MACROD1: variants seen among roughly 807,000 people sequenced by gnomAD.
MACROD1 encodes mono-ADP ribosylhydrolase 1.
MACROD1 carries 31 observed loss-of-function variants against 41.4 expected under a neutral mutation model. That is an observed-to-expected ratio of 0.75 (90% CI 0.56 to 1.01). The LOEUF (loss-of-function observed/expected upper bound fraction) is 1.01. MACROD1 is among the 50% of genes least tolerant of loss of function. The pLI is 0.00. For missense variants in MACROD1, 473 were observed against 460.0 expected (o/e 1.03, Z -0.26); for synonymous variants, 252 against 203.4 (o/e 1.24, Z -2.03).
intron 3 of MACROD1, chr11:64,035,928 C>T (rs1390355192): frequency 2.0e-5 from 3 of 147,300 alleles, no homozygotes; most frequent in Non-Finnish European, 4.5e-5. Context: ...GGACGCACCC[C>T]CCGCACTCCT....
intron 3 of MACROD1, among the ~76,000 whole-genome samples, chr11:64,066,967 A>T (rs1214655467): frequency 6.6e-6 from 1 of 152,208 alleles, no homozygotes; most frequent in Non-Finnish European, 1.5e-5. Flanking sequence ...GGAGGGTCAC[A>T]CAGAGCCCAG....
chr11:64,160,627 C>A (rs1945739387), intron 1 of MACROD1, among the ~76,000 whole-genome samples: 1 of 151,726 alleles, frequency 6.6e-6, no homozygotes, highest in African/African-American at 2.4e-5. Flanking sequence ...CCTGGGGCAA[C>A]ATAATGAGAC....
intron 3 of MACROD1, among the ~76,000 whole-genome samples, chr11:64,143,478 G>A (rs765254494): frequency 1.5e-4 from 23 of 152,092 alleles, no homozygotes; most frequent in Non-Finnish European, 2.9e-4. Context: ...GGGGCATGCC[G>A]GGGACTTGAG....
At position 64,082,876 on chromosome 11, in the gene MACROD1, C is replaced by T. The variant is rs1944328523; in HGVS notation, c.518-67595G>A. 1 of 152,480 alleles carries T rather than the reference C, an allele frequency of 6.6e-6. No individual in the cohort carries two copies. The highest frequency in any genetic ancestry group is 2.4e-5 in the African/African-American group (1 of 41,446). 9.4% of individuals were successfully genotyped at this position (152,480 alleles called of 1,614,324 possible). ...CGAGGTAGGCAGGGCTGTGCCTGCT[C>T]CAGCCCAGGGCCCCCTGCCTCTCTG... On this transcript the variant is annotated intron_variant, in intron 3 of 10. Transcript: ENST00000255681. This position sits in a 1 kb window ranked among gnomAD's most constrained non-coding sequence, Gnocchi z 4.5.
At chr11:64,028,883 C>G (rs1294198935) in intron 3 of MACROD1, among the ~76,000 whole-genome samples, 4 of 152,180 alleles carry the variant, frequency 2.6e-5, no homozygotes, top group African/African-American at 4.8e-5. Context: ...GCTTAGGACA[C>G]TCTTTCTCCT....
At chr11:64,139,918 T>C (rs1052604535) in intron 3 of MACROD1, among the ~76,000 whole-genome samples, 2 of 149,614 alleles carry the variant, frequency 1.3e-5, no homozygotes, top group Admixed American at 6.7e-5. Flanking sequence ...ATCACGCCAC[T>C]GCACTCTAGC....
intron 3 of MACROD1, among the ~76,000 whole-genome samples, chr11:64,069,651 G>A (rs1194489281): frequency 6.6e-6 from 1 of 152,160 alleles, no homozygotes; most frequent in African/African-American, 2.4e-5. Flanking sequence ...CTGGGCATGG[G>A]GAGGCAGCCC....
intron 4 of MACROD1, among the ~76,000 whole-genome samples, chr11:64,013,176 AG>A (rs1453858748): frequency 1.3e-5 from 2 of 152,164 alleles, no homozygotes; most frequent in Non-Finnish European, 2.9e-5. Flanking sequence ...TTTCATTTTC[AG>A]GGGGTAGAAG....
At chr11:64,116,717 C>G (rs1326840522) in intron 3 of MACROD1, 2 of 1,613,656 alleles carry the variant, frequency 1.2e-6, no homozygotes, top group African/African-American at 2.7e-5. Context: ...TGGCCCGCAT[C>G]CCGCTGCTGG....
rs1945075672 is a variant in MACROD1, at chr11:64,120,249, C to T, written c.517+30990G>A. 6.6e-6 allele frequency among the ~76,000 whole-genome samples: 1 copy of T among 152,198 alleles called. No homozygotes were observed. Among genetic ancestry groups the T allele is most frequent in the Non-Finnish European group, 1.5e-5 (1 of 68,022 alleles). ...GGCTAGCCCACGAAATAGGTCCACT[C>T]CCCAGCCCTGGGGAACAGCCGAGCA... On this transcript the variant is annotated intron_variant, in intron 3 of 10. Transcript: ENST00000255681. The surrounding 1 kb of genome is among the most constrained non-coding windows in gnomAD (Gnocchi z 4.5).
chr11:64,015,441 T>A (rs532644079), intron 3 of MACROD1, among the ~76,000 whole-genome samples, 160 bp from the exon 4 acceptor site: 110 of 152,116 alleles, frequency 7.2e-4, no homozygotes, highest in African/African-American at 2.6e-3. Context: ...TAGTAGACGA[T>A]GGTGAAGAGG....
intron 3 of MACROD1, among the ~76,000 whole-genome samples, chr11:64,034,918 G>A (rs1387672576): frequency 3.3e-5 from 5 of 152,166 alleles, no homozygotes; most frequent in African/African-American, 7.2e-5. Flanking sequence ...GTGTCCCAGC[G>A]AATGCCAAGA....
At chr11:64,030,610 A>G (rs746488225) in intron 3 of MACROD1, among the ~76,000 whole-genome samples, 9 of 152,342 alleles carry the variant, frequency 5.9e-5, no homozygotes, top group East Asian at 3.9e-4. Flanking sequence ...CAGAGAAAAA[A>G]TCAGCCACAC....
chr11:64,000,230 T>TGGCCGG lies in MACROD1; in HGVS notation c.655_660dup (p.Pro219_Ala220dup), dbSNP rs762950804. The TGGCCGG allele has an allele frequency of 1.2e-5, 20 of 1,603,466 alleles. No homozygotes were observed. The highest frequency in any genetic ancestry group is 1.7e-5 in the Non-Finnish European group (20 of 1,176,304). On this transcript the variant is annotated inframe_insertion, in exon 5 of 11. Coordinates refer to ENST00000255681, the MANE Select transcript of MACROD1 (RefSeq NM_014067.4). ...TGGGGGCGCGTCGGGGACTCACACT[T>TGGCCGG]GGCCGGGAGCCGATAGCCGCCGGTG...
At chr11:63,998,817 A>C in intron 10 of MACROD1, 21 bp downstream of exon 10, 2 of 1,515,874 alleles carry the variant, frequency 1.3e-6, no homozygotes, top group African/African-American at 2.8e-5. Context: ...GGGCCGCCGC[A>C]CGGGGCGAGG....
At chr11:64,019,677 A>G (rs958838441) in intron 3 of MACROD1, among the ~76,000 whole-genome samples, 1 of 152,176 alleles carries the variant, frequency 6.6e-6, no homozygotes, top group Non-Finnish European at 1.5e-5. Context: ...AGGCACAGAG[A>G]AAAGAACAGT....
intron 3 of MACROD1, among the ~76,000 whole-genome samples, chr11:64,128,931 A>G (rs1057222234): frequency 6.6e-6 from 1 of 152,170 alleles, no homozygotes; most frequent in African/African-American, 2.4e-5. Flanking sequence ...CACTCCATGG[A>G]TCCATGTGAG....
chr11:64,079,113 G>C (rs931260945), intron 3 of MACROD1, among the ~76,000 whole-genome samples: 2 of 152,134 alleles, frequency 1.3e-5, no homozygotes, highest in African/African-American at 4.8e-5. Flanking sequence ...TGGTGCAGTG[G>C]GGGGCGGTGG....
At chr11:64,083,291 C>CCGGGCATGGTGG (rs1944335160) in intron 3 of MACROD1, among the ~76,000 whole-genome samples, 1 of 152,126 alleles carries the variant, frequency 6.6e-6, no homozygotes, top group African/African-American at 2.4e-5. Context: ...AAAAAAACAG[C>CCGGGCATGGTGG]TGGGCATGGT....
Sources: allele counts gnomAD v4.1 joint callset (sites outside exome capture counted in the v4.1 genomes callset), GRCh38; gene constraint gnomAD v4.1.1; non-coding constraint Gnocchi (gnomAD v3.1); transcripts MANE v1.5; gene names NCBI Gene and HGNC (gene_info 2026-07-23, HGNC 2026-07-21).